CC2D1A: variants seen among roughly 807,000 people sequenced by gnomAD.
CC2D1A encodes coiled-coil and C2 domain-containing protein 1A.
Under a neutral mutation model 123.8 loss-of-function variants are expected in CC2D1A, and 68 were observed. The ratio of observed to expected loss-of-function variants is 0.55; its 90% CI spans 0.45 to 0.67. CC2D1A has a LOEUF of 0.67. CC2D1A is among the 30% of genes least tolerant of loss of function. The pLI is 0.00. For missense variants in CC2D1A, 1,185 were observed against 1,290.3 expected, an observed-to-expected ratio of 0.92 and a Z score of 1.25; for synonymous variants, 477 against 528.0, an observed-to-expected ratio of 0.90 and a Z score of 1.32.
At chr19:13,927,807 A>C (rs1415301205) in intron 22 of CC2D1A, 86 bp from the exon 23 acceptor site, 3 of 1,418,130 alleles carry the variant, frequency 2.1e-6, no homozygotes, top group Non-Finnish European at 2.9e-6. Flanking sequence ...CAAAAAAAAA[A>C]ACCAGTCTTG....
chr19:13,913,615 T>C lies in CC2D1A; in HGVS notation c.725T>C (p.Leu242Ser). The change falls in exon 6 of 29, where the codon TTG becomes TCG. Residue 242 changes from leucine to serine, a missense_variant. Transcript: ENST00000318003. Reference protein sequence around the residue: ...SATAPASSPGLAKPQMPPGPC... With the variant: ...SATAPASSPGSAKPQMPPGPC... ...ACCGCCCCAGCCTCATCTCCAGGCT[T>C]GGCTAAGCCCCAGATGCCCCCAGGT... 2 of 1,609,430 alleles carry C rather than the reference T, an allele frequency of 1.2e-6. No homozygotes were observed. The highest frequency in any genetic ancestry group is 1.7e-6 in the Non-Finnish European group (2 of 1,177,130).
rs375465140 is a variant in CC2D1A, at chr19:13,918,623, A to C, written c.946+47A>C. 53 of 1,599,954 alleles carry C rather than the reference A, an allele frequency of 3.3e-5. No homozygotes were observed. In the African/African-American group the frequency reaches 6.6e-4, roughly 20 times the overall value. ...CTCTCTGGGATGGTTTCAGGCATAC[A>C]CTAAGTTCTCCTTGATGCTGCCACC... is the stretch of plus-strand genomic sequence containing the variant. On this transcript the variant is annotated intron_variant, in intron 8 of 28. Coordinates refer to ENST00000318003, the MANE Select transcript of CC2D1A (RefSeq NM_017721.5).
intron 17 of CC2D1A, among the ~76,000 whole-genome samples, chr19:13,925,929 A>T (rs1312420610): frequency 1.0e-5 from 1 of 99,948 alleles, no homozygotes; most frequent in African/African-American, 5.6e-5. Flanking sequence ...AAAAAAAAAA[A>T]AAAAATATAT....
chr19:13,918,879 T>G, intron 9 of CC2D1A, 33 bp from the exon 10 acceptor site: 1 of 1,608,436 alleles, frequency 6.2e-7, no homozygotes, highest in African/African-American at 1.3e-5. Flanking sequence ...ACCCATCCGT[T>G]GACTCTTAAC....
chr19:13,907,900 A>T (rs528479098), intron 1 of CC2D1A, among the ~76,000 whole-genome samples: 1 of 152,310 alleles, frequency 6.6e-6, no homozygotes, highest in Non-Finnish European at 1.5e-5. Flanking sequence ...CAGGAAAGGC[A>T]ATTTCATATG....
intron 2 of CC2D1A, among the ~76,000 whole-genome samples, chr19:13,910,766 C>A (rs1299930619): frequency 6.6e-6 from 1 of 152,072 alleles, no homozygotes; most frequent in Admixed American, 6.6e-5. Context: ...CAAAAATTAG[C>A]CAAGCTTGGT....
intron 2 of CC2D1A, among the ~76,000 whole-genome samples, chr19:13,910,324 C>G (rs1347744474): frequency 6.9e-6 from 1 of 145,984 alleles, no homozygotes; most frequent in South Asian, 2.1e-4. Flanking sequence ...AGAAGAATGG[C>G]GTGAACCAGG....
Position 13,923,534 on chromosome 19 carries a change from T to A in CC2D1A, c.1765-14T>A, listed in dbSNP as rs529035775. ...TCTTCCCTTCCCTCGACTCACTGCC[T>A]TCTGTTTCCCCAGATGTGCCTGAAC... On this transcript the variant is annotated splice_polypyrimidine_tract_variant and intron_variant, in intron 15 of 28. Coordinates refer to ENST00000318003, the MANE Select transcript of CC2D1A (RefSeq NM_017721.5). This position sits in a 1 kb window ranked among gnomAD's most constrained non-coding sequence, Gnocchi z 5.3. 2.7e-5 allele frequency: 44 copies of A among 1,613,714 alleles called. 1 individual carries two copies. The South Asian group carries it at 4.4e-4, about 16-fold the overall frequency.
At chr19:13,927,132 CTG>C in intron 21 of CC2D1A, 41 bp from the exon 22 acceptor site, 1 of 1,611,646 alleles carries the variant, frequency 6.2e-7, no homozygotes, top group Non-Finnish European at 8.5e-7. Context: ...GGGAGCTCCT[CTG>C]AACCAACCAT....
chr19:13,909,362 C>A (rs562274253), intron 1 of CC2D1A, among the ~76,000 whole-genome samples: 1 of 150,900 alleles, frequency 6.6e-6, no homozygotes, highest in Non-Finnish European at 1.5e-5. Context: ...GGTGACAGAG[C>A]GAGACTCTGT....
intron 2 of CC2D1A, 72 bp downstream of exon 2, chr19:13,910,030 A>C: frequency 7.1e-7 from 1 of 1,402,716 alleles, no homozygotes; most frequent in East Asian, 2.4e-5. Flanking sequence ...AACTGGGGGC[A>C]CTGGGTAGGT....
Position 13,909,216 on chromosome 19 carries a change from C to T in CC2D1A, c.61-607C>T, listed in dbSNP as rs978587594. On this transcript the variant is annotated intron_variant, in intron 1 of 28. Coordinates refer to ENST00000318003, the MANE Select transcript of CC2D1A (RefSeq NM_017721.5). Reference sequence around the variant, plus strand: ...TGAAACCCCGTCTCTGCTAAAAATACAAAAAAAAAATTAGCCGGGCGTGGT... The same window carrying T: ...TGAAACCCCGTCTCTGCTAAAAATATAAAAAAAAAATTAGCCGGGCGTGGT... 4.0e-5 allele frequency among the ~76,000 whole-genome samples: 6 copies of T among 148,250 alleles called. No homozygotes were observed. The East Asian group carries it at 1.2e-3, about 29-fold the overall frequency.
Position 13,929,606 on chromosome 19 carries a change from C to T in CC2D1A, c.2656C>T (p.Arg886Cys), listed in dbSNP as rs374990372. The T allele has an allele frequency of 9.6e-5, 153 of 1,596,638 alleles. No individual in the cohort carries two copies. The highest frequency in any genetic ancestry group is 8.3e-4 in the African/African-American group (60 of 72,014). Residue 886 changes from arginine to cysteine, a missense_variant, in exon 26 of 29, where the codon CGC (arginine) becomes TGC (cysteine). Physicochemically the swap from Arg to Cys is radical, Grantham distance 180. Transcript: ENST00000318003. ...VAQQYQDIMQRSQWQRAQLEQ... is the reference protein window; with the variant it reads ...VAQQYQDIMQCSQWQRAQLEQ... ...CCAGCAGTACCAGGACATCATGCAA[C>T]GCAGCCAGTGGCAGAGGGCACAGCT... is the stretch of plus-strand genomic sequence containing the variant.
intron 22 of CC2D1A, 34 bp downstream of exon 22, chr19:13,927,299 A>G (rs999292938): frequency 5.9e-6 from 9 of 1,524,016 alleles, no homozygotes; most frequent in East Asian, 2.2e-5. Flanking sequence ...GTGCTCCGGT[A>G]TGGCCATGCT....
intron 2 of CC2D1A, among the ~76,000 whole-genome samples, 161 bp downstream of exon 2, chr19:13,910,119 C>T (rs1045568818): frequency 1.3e-5 from 2 of 151,972 alleles, no homozygotes; most frequent in African/African-American, 4.8e-5. Flanking sequence ...GACTCTGAGG[C>T]CGGGCACGGT....
At chr19:13,921,063 G>A (rs1335764230) in intron 14 of CC2D1A, 141 bp downstream of exon 14, 2 of 809,386 alleles carry the variant, frequency 2.5e-6, no homozygotes, top group East Asian at 2.8e-5. Flanking sequence ...ATGGCTGAAA[G>A]GAGACAGACA....
Position 13,930,793 on chromosome 19 carries a change from G to GAT in CC2D1A, c.*398_*399insAT. The GAT allele has an allele frequency of 3.8e-6, 1 of 265,664 alleles. No homozygotes were observed. Among genetic ancestry groups the GAT allele is most frequent in the Non-Finnish European group, 7.1e-6 (1 of 139,984 alleles). 16.5% of individuals were successfully genotyped at this position (265,664 alleles called of 1,614,324 possible). A position where few individuals can be genotyped will look rare whatever the true frequency, so the allele number is the denominator to read the frequency against. On this transcript the variant is annotated 3_prime_UTR_variant, in exon 29 of 29. Transcript: ENST00000318003. The surrounding 1 kb of genome is among the most constrained non-coding windows in gnomAD (Gnocchi z 6.8). The stretch of plus-strand genomic sequence containing the variant: ...CAAAGAAGCCACTGAGGCTGGCCGA[G>GAT]CCACACTGTCTCCCCAGGGGCGTCG...
In CC2D1A at chr19:13,930,446, C is replaced by T. The variant is rs1266691568; in HGVS notation, c.*51C>T. 15 of 1,533,726 alleles carry T rather than the reference C, an allele frequency of 9.8e-6. No homozygotes were observed. The highest frequency in any genetic ancestry group is 1.1e-5 in the Non-Finnish European group (13 of 1,140,200). On this transcript the variant is annotated 3_prime_UTR_variant, in exon 29 of 29. Coordinates refer to ENST00000318003, the MANE Select transcript of CC2D1A (RefSeq NM_017721.5). This position sits in a 1 kb window ranked among gnomAD's most constrained non-coding sequence, Gnocchi z 6.8. ...AGAAAGCGGGCAGCAGGCCCCGATA[C>T]CGGGAAGAGCCGACACAGCCACGAA...
chr19:13,906,596 C>A lies in CC2D1A; in HGVS notation c.60+95C>A. 1.3e-6 allele frequency: 1 copy of A among 742,410 alleles called. No individual in the cohort carries two copies. The highest frequency in any genetic ancestry group is 2.0e-6 in the Non-Finnish European group (1 of 495,312). The allele number at this position is 742,410 out of a possible 1,614,324, so 46.0% of individuals were successfully genotyped here. A position where few individuals can be genotyped will look rare whatever the true frequency, so the allele number is the denominator to read the frequency against. ...CCACCCCCCAGGGAAGCCCGATCTC[C>A]GCCCCACAGGTAAGCCCCGGTCCCC... On this transcript the variant is annotated intron_variant, in intron 1 of 28. Coordinates refer to ENST00000318003, the MANE Select transcript of CC2D1A (RefSeq NM_017721.5). This position sits in a 1 kb window ranked among gnomAD's most constrained non-coding sequence, Gnocchi z 4.1.
Sources: gnomAD v4.1 joint callset for allele counts (sites outside exome capture counted in the v4.1 genomes callset) on GRCh38, gnomAD v4.1.1 for gene constraint, Gnocchi (gnomAD v3.1) non-coding constraint, MANE v1.5 for transcripts, NCBI Gene and HGNC (gene_info 2026-07-23, HGNC 2026-07-21) for gene names.